Variants in HOXA10 observed in about 807,000 individuals in gnomAD.
HOXA10 encodes the protein homeobox A10.
HOXA10 carries 12 observed loss-of-function variants against 29.7 expected under a neutral mutation model. That is an observed-to-expected ratio of 0.40 (90% CI 0.26 to 0.65). The LOEUF (loss-of-function observed/expected upper bound fraction) is 0.65. Among genes scored for constraint, HOXA10 ranks in the 30% least tolerant of loss-of-function variants. HOXA10 has a pLI of 0.37. For synonymous variants in HOXA10, 327 were observed against 280.7 expected (o/e 1.16, Z -1.65); for missense variants, 656 against 585.9 (o/e 1.12, Z -1.24).
Position 27,173,645 on chromosome 7 carries a change from C to G in HOXA10, c.662G>C (p.Gly221Ala). 6.5e-7 allele frequency: 1 copy of G among 1,546,322 alleles called. No homozygotes were observed. The highest frequency in any genetic ancestry group is 8.7e-7 in the Non-Finnish European group (1 of 1,145,348). The change falls in exon 1 of 2, where the codon GGC (glycine) becomes GCC (alanine). Residue 221 changes from glycine (G) to alanine (A), a missense_variant. Coordinates refer to ENST00000283921, the MANE Select transcript of HOXA10 (RefSeq NM_018951.4). ...GCCGCTGCCATAGCCCTTGGCGGTGCCGTAGGCCTGAGAAAGGCGGAAGTA... is the reference window on the plus strand; with the variant it reads ...GCCGCTGCCATAGCCCTTGGCGGTGGCGTAGGCCTGAGAAAGGCGGAAGTA... ...PGYFRLSQAY[G>A]TAKGYGSGGG...
upstream of HOXA10, chr7:27,174,604 G>C: frequency 2.1e-6 from 1 of 478,790 alleles, no homozygotes; most frequent in East Asian, 4.0e-5. Context: ...ACCCGGACGT[G>C]AGCCCCATAC....
rs1003781721 is a variant in HOXA10 at position 27,174,267 on chromosome 7, A to T, written c.40T>A (p.Tyr14Asn). The T allele has an allele frequency of 1.3e-6, 2 of 1,599,012 alleles. No homozygotes were observed. The highest frequency in any genetic ancestry group is 2.7e-5 in the African/African-American group (2 of 74,914). Reference protein sequence around the residue: ...RKGYLLPSPNYPTTMSCSESP... With the variant: ...RKGYLLPSPNNPTTMSCSESP... ...TCCGAGCATGACATTGTTGTGGGATAATTTGGCGAAGGGAGCAGATAGCCC... is the reference window on the plus strand; with the variant it reads ...TCCGAGCATGACATTGTTGTGGGATTATTTGGCGAAGGGAGCAGATAGCCC... The change falls in exon 1 of 2, where the codon TAT becomes AAT. Residue 14 changes from tyrosine to asparagine, a missense_variant. Coordinates refer to ENST00000283921, the MANE Select transcript of HOXA10 (RefSeq NM_018951.4).
chr7:27,176,704 G>A (rs1007640730), upstream of HOXA10, among the ~76,000 whole-genome samples: 3 of 152,212 alleles, frequency 2.0e-5, no homozygotes, highest in Non-Finnish European at 4.4e-5. Flanking sequence ...CAGGCTAAAT[G>A]CAGAAAGCAA....
chr7:27,175,930 G>A (rs1369316665), upstream of HOXA10, among the ~76,000 whole-genome samples: 1 of 152,218 alleles, frequency 6.6e-6, no homozygotes, highest in Non-Finnish European at 1.5e-5. Context: ...CCCTGAAAGC[G>A]CAGAGAGAGC....
chr7:27,174,329 T>A, upstream of HOXA10: 1 of 1,597,230 alleles, frequency 6.3e-7, no homozygotes, highest in South Asian at 1.1e-5. Context: ...ACATGCTGAA[T>A]ACGATTAGCA....
intron 1 of HOXA10, chr7:27,172,497 T>G (rs1783524554): frequency 2.5e-6 from 1 of 400,488 alleles, no homozygotes; most frequent in Admixed American, 4.2e-5. Context: ...ACGCTTTTCT[T>G]TGCCTCTTGC....
At chr7:27,174,357 CG>C (rs1783607338), upstream of HOXA10, 1 of 1,587,374 alleles carries the variant, frequency 6.3e-7, no homozygotes, top group African/African-American at 1.3e-5. Context: ...CGCACCGCGG[CG>C]GGCGCCCGCA....
chr7:27,171,555 C>G lies in HOXA10; in HGVS notation c.*344G>C. 2.1e-6 allele frequency: 1 copy of G among 484,004 alleles called. No homozygotes were observed. The highest frequency in any genetic ancestry group is 4.1e-6 in the Non-Finnish European group (1 of 246,766). The allele number at this position is 484,004 out of a possible 1,614,324, so 30.0% of individuals were successfully genotyped here. On this transcript the variant is annotated 3_prime_UTR_variant, in exon 2 of 2. Coordinates refer to ENST00000283921, the MANE Select transcript of HOXA10 (RefSeq NM_018951.4). ...GTTTGCCCCAGGCTGGGCAGGAAAC[C>G]AGCTCGGCCGAAGACAGGGGCCATT...
At chr7:27,178,666 A>G (rs1182268479), upstream of HOXA10, among the ~76,000 whole-genome samples, 2 of 152,246 alleles carry the variant, frequency 1.3e-5, no homozygotes, top group Non-Finnish European at 2.9e-5. Flanking sequence ...GCCAGCCTTC[A>G]ACAAAGACTA....
chr7:27,173,647 G>A lies in HOXA10; in HGVS notation c.660C>T (p.Tyr220=). The A allele has an allele frequency of 6.5e-7, 1 of 1,546,740 alleles. No individual in the cohort carries two copies. The highest frequency in any genetic ancestry group is 1.2e-5 in the South Asian group (1 of 83,776). ...CGCTGCCATAGCCCTTGGCGGTGCC[G>A]TAGGCCTGAGAAAGGCGGAAGTAGC... ...VPGYFRLSQA[Y]GTAKGYGSGG... Residue 220 remains tyrosine (Y), a synonymous_variant, in exon 1 of 2, where the codon TAC becomes TAT. Coordinates refer to ENST00000283921, the MANE Select transcript of HOXA10 (RefSeq NM_018951.4).
rs565329806 is a variant in HOXA10, at chr7:27,173,111, T to C, written c.958+238A>G. 2.3e-4 allele frequency: 144 copies of C among 615,374 alleles called. No individual in the cohort carries two copies. In the East Asian group the frequency reaches 3.0e-3, roughly 13 times the overall value. 38.1% of individuals were successfully genotyped at this position (615,374 alleles called of 1,614,324 possible). A position where few individuals can be genotyped will look rare whatever the true frequency, so the allele number is the denominator to read the frequency against. ...GCCTGCTCGCTGGTGTCCTCGTCCC[T>C]AGTCAGGGGGAGCTGAGGCCAGCGC... On this transcript the variant is annotated intron_variant, in intron 1 of 1. Coordinates refer to ENST00000283921, the MANE Select transcript of HOXA10 (RefSeq NM_018951.4).
chr7:27,175,496 C>A (rs1783637707), upstream of HOXA10, among the ~76,000 whole-genome samples: 1 of 152,190 alleles, frequency 6.6e-6, no homozygotes, highest in African/African-American at 2.4e-5. Context: ...CCTTTCCCTG[C>A]AAGGCCGGGC....
intron 1 of HOXA10, among the ~76,000 whole-genome samples, chr7:27,179,473 C>T (rs1055233020): frequency 8.5e-5 from 13 of 152,200 alleles, no homozygotes; most frequent in African/African-American, 3.1e-4. Context: ...AAATCCTCAA[C>T]TTTTCTACTT....
In HOXA10 at chr7:27,171,809, G is replaced by A; in HGVS notation, c.*90C>T. ...TGTGGGAGGGAGGAACAGGGCTCCA[G>A]CACAGGTGCGAGTTCCTGGGCAGAG... On this transcript the variant is annotated 3_prime_UTR_variant, in exon 2 of 2. Coordinates refer to ENST00000283921, the MANE Select transcript of HOXA10 (RefSeq NM_018951.4). 1 of 1,322,922 alleles carries A rather than the reference G, an allele frequency of 7.6e-7. No homozygotes were observed. Among genetic ancestry groups the A allele is most frequent in the Non-Finnish European group, 1.1e-6 (1 of 915,550 alleles). 81.9% of individuals were successfully genotyped at this position (1,322,922 alleles called of 1,614,324 possible). A position where few individuals can be genotyped will look rare whatever the true frequency, so the allele number is the denominator to read the frequency against.
chr7:27,174,456 C>T (rs1325172718), upstream of HOXA10: 4 of 1,324,996 alleles, frequency 3.0e-6, no homozygotes, highest in East Asian at 5.0e-5. Flanking sequence ...CCTCAGAGCC[C>T]GCGATTGATA....
upstream of HOXA10, chr7:27,174,341 T>A (rs1783606336): frequency 1.3e-6 from 2 of 1,595,396 alleles, no homozygotes; most frequent in Non-Finnish European, 1.7e-6. Context: ...CGATTAGCAA[T>A]CCCCCCGCAC....
At chr7:27,175,661 G>A (rs904130189), upstream of HOXA10, among the ~76,000 whole-genome samples, 1 of 152,148 alleles carries the variant, frequency 6.6e-6, no homozygotes, top group African/African-American at 2.4e-5. Context: ...AACCTTTTCC[G>A]GCCAGATCCA....
rs748016457 is a variant in HOXA10 at position 27,170,844 on chromosome 7, C to T, written c.*1055G>A. 1 of 454,334 alleles carries T rather than the reference C, an allele frequency of 2.2e-6. No homozygotes were observed. Among genetic ancestry groups the T allele is most frequent in the South Asian group, 1.6e-5 (1 of 64,380 alleles). 28.1% of individuals were successfully genotyped at this position (454,334 alleles called of 1,614,324 possible). On this transcript the variant is annotated 3_prime_UTR_variant, in exon 2 of 2. Transcript: ENST00000283921. ...TTTTTCTGCATCTACAGGTTTGACC[C>T]TTTTATGCATGTAACTTCACAGTAT...
Position 27,172,090 on chromosome 7 carries a change from T to A in HOXA10, c.1042A>T (p.Thr348Ser). ...KKRCPYTKHQ[T>S]LELEKEFLFN... is the part of the protein sequence containing the mutation. ...AGAAACTCCTTCTCCAGCTCCAGTGTCTGGTGCTTCGTGTAGGGGCAGCGC... is the reference window on the plus strand; with the variant it reads ...AGAAACTCCTTCTCCAGCTCCAGTGACTGGTGCTTCGTGTAGGGGCAGCGC... Residue 348 changes from threonine (T) to serine (S), a missense_variant, in exon 2 of 2, where the codon ACA becomes TCA. By Grantham distance (58) the Thr-to-Ser change is moderately conservative. Around this residue, in one of 2 missense-constraint regions of HOXA10, gnomAD observed 62 missense variants for 94.0 expected, o/e 0.66. Transcript: ENST00000283921. 6.2e-7 allele frequency: 1 copy of A among 1,614,036 alleles called. No individual in the cohort carries two copies. Among genetic ancestry groups the A allele is most frequent in the Non-Finnish European group, 8.5e-7 (1 of 1,179,892 alleles).
Sources: allele counts gnomAD v4.1 joint callset (sites outside exome capture counted in the v4.1 genomes callset), GRCh38; gene constraint gnomAD v4.1.1; regional missense constraint gnomAD v4.1.1; transcripts MANE v1.5; gene names NCBI Gene and HGNC (gene_info 2026-07-23, HGNC 2026-07-21).